The following NTRK3 variants were observed in gnomAD, a reference collection of about 807,000 sequenced individuals.
NTRK3 encodes the protein neurotrophic receptor tyrosine kinase 3.
NTRK3 carries 24 observed loss-of-function variants against 91.7 expected under a neutral mutation model. That is an observed-to-expected ratio of 0.26 (90% CI 0.19 to 0.37). The LOEUF (loss-of-function observed/expected upper bound fraction) is 0.37. Ranked by LOEUF, NTRK3 falls within the 10% of genes least tolerant of loss-of-function variation. The probability of loss-of-function intolerance (pLI) is 1.00; values close to 1 mark genes in which losing one functional copy is unlikely to be tolerated. For synonymous variants in NTRK3, 483 were observed against 404.0 expected (o/e 1.20, Z -2.34); for missense variants, 880 against 1,068.9 (o/e 0.82, Z 2.46).
At chr15:88,073,444 G>T (rs997482220) in intron 13 of NTRK3, among the ~76,000 whole-genome samples, 1 of 152,142 alleles carries the variant, frequency 6.6e-6, no homozygotes, top group African/African-American at 2.4e-5. Flanking sequence ...GTCAGGGGTG[G>T]GGCCCAGAGG....
chr15:88,202,374 C>T (rs978079241), intron 3 of NTRK3, among the ~76,000 whole-genome samples: 1 of 152,198 alleles, frequency 6.6e-6, no homozygotes, highest in Admixed American at 6.5e-5. Context: ...GACAGGGCTC[C>T]TCTCCCAGCC....
intron 14 of NTRK3, among the ~76,000 whole-genome samples, chr15:88,007,528 T>C (rs2076581136): frequency 6.6e-6 from 1 of 152,206 alleles, no homozygotes; most frequent in South Asian, 2.1e-4. Context: ...GATGGCCACC[T>C]ATAAGGGATG....
In NTRK3 at chr15:88,235,805, C is replaced by T. The variant is rs115983198; in HGVS notation, c.248+20101G>A. 3.6e-3 allele frequency among the ~76,000 whole-genome samples: 554 copies of T among 152,368 alleles called. 2 individuals carry two copies. The highest frequency in any genetic ancestry group is 0.018 in the East Asian group (95 of 5,186). ...AGCAGCAAGAAGCTGTGCACCACAA[C>T]AGGAACCCCCCTGGGGCTTTGAGTC... On this transcript the variant is annotated intron_variant, in intron 3 of 18. Transcript: ENST00000394480. The surrounding 1 kb of genome is among the most constrained non-coding windows in gnomAD (Gnocchi z 5.2).
At chr15:88,006,583 G>T (rs1233728317) in intron 14 of NTRK3, among the ~76,000 whole-genome samples, 2 of 152,220 alleles carry the variant, frequency 1.3e-5, no homozygotes, top group African/African-American at 4.8e-5. Context: ...GCTTCAGGTG[G>T]AAATAAGAGA....
At chr15:88,206,108 G>A (rs2048729487) in intron 3 of NTRK3, among the ~76,000 whole-genome samples, 1 of 151,918 alleles carries the variant, frequency 6.6e-6, no homozygotes, top group South Asian at 2.1e-4. Context: ...GGGAGGCCGA[G>A]GCGGGCGGAT....
intron 13 of NTRK3, among the ~76,000 whole-genome samples, chr15:88,107,019 T>C (rs1277329004): frequency 6.6e-6 from 1 of 150,748 alleles, no homozygotes; most frequent in Non-Finnish European, 1.5e-5. Flanking sequence ...TATGTACATA[T>C]ATACATTTAC....
At chr15:87,942,049 G>A (rs1272991305) in intron 14 of NTRK3, among the ~76,000 whole-genome samples, 1 of 152,240 alleles carries the variant, frequency 6.6e-6, no homozygotes, top group Admixed American at 6.5e-5. Context: ...TAGGGACAGA[G>A]GGGCATGGCT....
chr15:88,119,367 A>T (rs1488918611), intron 13 of NTRK3, among the ~76,000 whole-genome samples: 1 of 152,204 alleles, frequency 6.6e-6, no homozygotes. Flanking sequence ...TGGCTTCTAT[A>T]AATTTATGTC....
chr15:87,950,957 T>C (rs2071050325), intron 14 of NTRK3, among the ~76,000 whole-genome samples: 1 of 152,244 alleles, frequency 6.6e-6, no homozygotes, highest in South Asian at 2.1e-4. Context: ...AGAGTATCCA[T>C]GTCTTCAGGA....
intron 13 of NTRK3, among the ~76,000 whole-genome samples, chr15:88,064,259 A>G (rs1383046316): frequency 6.6e-6 from 1 of 152,340 alleles, no homozygotes; most frequent in South Asian, 2.1e-4. Context: ...CTAGCCTTCA[A>G]AACAGTAAGA....
chr15:88,170,901 C>G (rs1176095472), intron 5 of NTRK3, among the ~76,000 whole-genome samples: 1 of 152,180 alleles, frequency 6.6e-6, no homozygotes, highest in African/African-American at 2.4e-5. Context: ...CACCCTATCA[C>G]AGAGACAGAC....
In NTRK3 at chr15:88,198,405, G is replaced by A. The variant is rs74831980; in HGVS notation, c.249-14106C>T. Among the ~76,000 whole-genome samples, 343 of 152,322 alleles carry A rather than the reference G, an allele frequency of 2.3e-3. 6 individuals are homozygous for A. Among genetic ancestry groups the A allele is most frequent in the East Asian group, 0.022 (116 of 5,176 alleles). On this transcript the variant is annotated intron_variant, in intron 3 of 18. Transcript: ENST00000394480. ...CCACCTCTGGGTACTCAGAATGTCA[G>A]TGGAGCTGAATGTCTCCTCCTGGGG...
At chr15:88,084,353 G>A (rs1447942307) in intron 13 of NTRK3, among the ~76,000 whole-genome samples, 2 of 152,276 alleles carry the variant, frequency 1.3e-5, no homozygotes, top group Non-Finnish European at 2.9e-5. Flanking sequence ...CTAGTTCAGG[G>A]TAAAATTGTT....
intron 3 of NTRK3, among the ~76,000 whole-genome samples, chr15:88,208,369 A>G (rs1034617914): frequency 7.9e-5 from 12 of 152,126 alleles, no homozygotes; most frequent in Non-Finnish European, 1.6e-4. Flanking sequence ...AAGGGAATCA[A>G]AATAGAGTGG....
chr15:87,928,874 T>A (rs2068549480), intron 17 of NTRK3: 1 of 543,778 alleles, frequency 1.8e-6, no homozygotes, highest in Non-Finnish European at 3.3e-6. Context: ...TTTGGGCACA[T>A]ACATATACAT....
rs770668339 is a variant in NTRK3 at position 88,002,168 on chromosome 15, G to GTTTTTTTTTTT, written c.1585+30678_1585+30688dup. Among the ~76,000 whole-genome samples the GTTTTTTTTTTT allele has an allele frequency of 1.1e-3, 79 of 70,178 alleles. 6 individuals are homozygous for GTTTTTTTTTTT. Among genetic ancestry groups the GTTTTTTTTTTT allele is most frequent in the African/African-American group, 4.5e-3 (77 of 17,282 alleles). The allele number at this position is 70,178 out of a possible 152,430, so 46.0% of individuals were successfully genotyped here. Reference sequence around the variant, plus strand: ...TTTCTCTCTCTGAAGGATAGTGGTTGTTTTTTTTTTTTTTTTTTTTTTTTT... The same window carrying GTTTTTTTTTTT: ...TTTCTCTCTCTGAAGGATAGTGGTTGTTTTTTTTTTTTTTTTTTTTTTTTTTTTTTTTTTTT... On this transcript the variant is annotated intron_variant, in intron 14 of 18. Transcript: ENST00000394480.
At chr15:88,105,047 A>T (rs901245986) in intron 13 of NTRK3, among the ~76,000 whole-genome samples, 3 of 152,168 alleles carry the variant, frequency 2.0e-5, no homozygotes, top group Non-Finnish European at 4.4e-5. Context: ...TTTAGTTAAG[A>T]GAGGCTGTGC....
At chr15:87,953,024 C>G (rs970377201) in intron 14 of NTRK3, among the ~76,000 whole-genome samples, 3 of 152,200 alleles carry the variant, frequency 2.0e-5, no homozygotes, top group Non-Finnish European at 4.4e-5. Flanking sequence ...ATCCTGGATC[C>G]ATGCTTCCCC....
At chr15:88,171,124 CGGA>C (rs1267212702) in intron 5 of NTRK3, among the ~76,000 whole-genome samples, 2 of 152,122 alleles carry the variant, frequency 1.3e-5, no homozygotes, top group Non-Finnish European at 2.9e-5. Flanking sequence ...AAACAGCTGT[CGGA>C]GGAAGGGAGA....
Sources: gnomAD v4.1 joint callset for allele counts (sites outside exome capture counted in the v4.1 genomes callset) on GRCh38, gnomAD v4.1.1 for gene constraint, Gnocchi (gnomAD v3.1) non-coding constraint, MANE v1.5 for transcripts, NCBI Gene and HGNC (gene_info 2026-07-23, HGNC 2026-07-21) for gene names.